RET: variants seen among roughly 807,000 people sequenced by gnomAD.
The protein encoded by RET is proto-oncogene tyrosine-protein kinase receptor Ret.
In RET, 19 loss-of-function variants were observed where a neutral mutation model predicts 118.3. The observed-to-expected ratio is 0.16, with a 90% CI of 0.11 to 0.24. RET has a LOEUF of 0.24. Ranked by LOEUF, RET falls within the 10% of genes least tolerant of loss-of-function variation. The pLI is 1.00. For synonymous variants in RET, 597 were observed against 644.1 expected (o/e 0.93, Z 1.11); for missense variants, 1,219 against 1,502.1 (o/e 0.81, Z 3.12).
At chr10:43,109,301 G>A in intron 6 of RET, 71 bp downstream of exon 6, 1 of 1,471,812 alleles carries the variant, frequency 6.8e-7, no homozygotes, top group Admixed American at 1.8e-5. Flanking sequence ...AGGGAGGCAG[G>A]TGACACTGCC....
intron 15 of RET, among the ~76,000 whole-genome samples, chr10:43,120,562 G>A (rs1284934823): frequency 6.6e-6 from 1 of 152,254 alleles, no homozygotes; most frequent in Admixed American, 6.5e-5. Context: ...TCAAAGAAGG[G>A]TGGGATGAAA....
chr10:43,118,622 G>T, intron 13 of RET, 142 bp downstream of exon 13: 1 of 741,896 alleles, frequency 1.3e-6, no homozygotes, highest in Non-Finnish European at 2.3e-6. Flanking sequence ...CCTGGCTCAG[G>T]CCCCAGCCTG....
rs1588877223 is a variant in RET at position 43,119,616 on chromosome 10, C to T, written c.2478C>T (p.Tyr826=). 1 of 1,612,814 alleles carries T rather than the reference C, an allele frequency of 6.2e-7. No homozygotes were observed. The highest frequency in any genetic ancestry group is 1.7e-5 in the Admixed American group (1 of 60,002). The change falls in exon 14 of 20, where the codon TAC becomes TAT. Residue 826 remains tyrosine (Y), a synonymous_variant. Transcript: ENST00000355710. ...LRESRKVGPG[Y]LGSGGSRNSS... is the part of the protein sequence containing the mutation. The stretch of plus-strand genomic sequence containing the variant: ...AGAGCCGCAAAGTGGGGCCTGGCTA[C>T]CTGGGCAGTGGAGGCAGCCGCAACT...
At chr10:43,115,877 T>C (rs896546238) in intron 11 of RET, among the ~76,000 whole-genome samples, 7 of 152,116 alleles carry the variant, frequency 4.6e-5, no homozygotes, top group African/African-American at 1.7e-4. Context: ...ACCTTGACTG[T>C]GGGTTCCCAG....
chr10:43,112,818 C>T (rs2132812142), intron 8 of RET, 35 bp from the exon 9 acceptor site: 1 of 1,578,482 alleles, frequency 6.3e-7, no homozygotes, highest in Non-Finnish European at 8.7e-7. Context: ...GCGGGGCTCC[C>T]ACATGGGTGA....
chr10:43,114,376 CGG>C lies in RET; in HGVS notation c.1880-103_1880-102del. ...CTCCATGGCCACTTCCCAGCTGGCG[CGG>C]ACACGGCAGGCTGGAGAGCCATGAG... On this transcript the variant is annotated intron_variant, in intron 10 of 19. Coordinates refer to ENST00000355710, the MANE Select transcript of RET (RefSeq NM_020975.6). This position sits in a 1 kb window ranked among gnomAD's most constrained non-coding sequence, Gnocchi z 4.6. The C allele has an allele frequency of 6.6e-7, 1 of 1,504,550 alleles. No individual in the cohort carries two copies. The highest frequency in any genetic ancestry group is 9.0e-7 in the Non-Finnish European group (1 of 1,107,072). 93.2% of individuals were successfully genotyped at this position (1,504,550 alleles called of 1,614,324 possible). A position where few individuals can be genotyped will look rare whatever the true frequency, so the allele number is the denominator to read the frequency against.
At chr10:43,122,123 G>A (rs1487921884) in intron 16 of RET, 107 bp downstream of exon 16, 3 of 876,146 alleles carry the variant, frequency 3.4e-6, no homozygotes, top group Non-Finnish European at 5.9e-6. Context: ...AATTGCACTG[G>A]CCCTGAGCAC....
intron 1 of RET, among the ~76,000 whole-genome samples, chr10:43,083,661 C>T (rs540916948): frequency 2.6e-5 from 4 of 152,352 alleles, no homozygotes; most frequent in African/African-American, 9.6e-5. Flanking sequence ...TACCTGCACA[C>T]ACTTCTGCCT....
At chr10:43,081,017 A>G (rs1248701120) in intron 1 of RET, among the ~76,000 whole-genome samples, 1 of 152,138 alleles carries the variant, frequency 6.6e-6, no homozygotes, top group Non-Finnish European at 1.5e-5. Flanking sequence ...CTCATGCAGG[A>G]CAGGGCCTTC....
intron 1 of RET, among the ~76,000 whole-genome samples, chr10:43,095,153 C>T (rs935857647): frequency 2.6e-5 from 4 of 152,060 alleles, no homozygotes; most frequent in Non-Finnish European, 5.9e-5. Flanking sequence ...TGTGCAGGCT[C>T]AGGTCTGGCA....
intron 18 of RET, among the ~76,000 whole-genome samples, chr10:43,126,190 G>A (rs998453068): frequency 1.3e-5 from 2 of 152,244 alleles, no homozygotes; most frequent in Non-Finnish European, 2.9e-5. Flanking sequence ...AGAGCCCAAG[G>A]GTTTGTCAGC....
At chr10:43,078,994 C>T (rs74865054) in intron 1 of RET, among the ~76,000 whole-genome samples, 4,796 of 152,280 alleles carry the variant, frequency 0.031, 144 homozygotes, top group East Asian at 0.11. Flanking sequence ...GCCACAGCTC[C>T]GGAGGTTCGA....
intron 3 of RET, among the ~76,000 whole-genome samples, chr10:43,103,712 G>GCTA (rs1837693092): frequency 6.6e-6 from 1 of 152,144 alleles, no homozygotes; most frequent in African/African-American, 2.4e-5. Context: ...TGGAGCACTT[G>GCTA]GTTTTTTGCA....
At chr10:43,112,791 G>A (rs986665929) in intron 8 of RET, 62 bp from the exon 9 acceptor site, 2 of 1,313,064 alleles carry the variant, frequency 1.5e-6, no homozygotes, top group Non-Finnish European at 1.1e-6. Context: ...CTGCCTAGGA[G>A]GTGGTGGGGG....
At chr10:43,089,109 G>A (rs1039803486) in intron 1 of RET, among the ~76,000 whole-genome samples, 13 of 152,218 alleles carry the variant, frequency 8.5e-5, no homozygotes, top group African/African-American at 2.9e-4. Context: ...CCTCAGCCTG[G>A]GCTAGGCACT....
At chr10:43,126,798 TTTAAAAA>T in intron 19 of RET, 76 bp downstream of exon 19, 1 of 1,565,406 alleles carries the variant, frequency 6.4e-7, no homozygotes, top group Non-Finnish European at 8.7e-7. Context: ...TGTGATGCTT[TTTAAAAA>T]TGTTTCTGGT....
intron 1 of RET, among the ~76,000 whole-genome samples, chr10:43,090,809 G>A (rs1837395126): frequency 6.6e-6 from 1 of 150,396 alleles, no homozygotes; most frequent in East Asian, 2.0e-4. Context: ...GGCCCCCTGG[G>A]ACCCTGGCAC....
intron 15 of RET, among the ~76,000 whole-genome samples, chr10:43,120,661 G>A (rs1322391895): frequency 6.6e-6 from 1 of 152,216 alleles, no homozygotes; most frequent in Non-Finnish European, 1.5e-5. Flanking sequence ...ACTGGGCTGG[G>A]TGAGTTTAGA....
At chr10:43,123,197 T>G (rs1389838581) in intron 16 of RET, among the ~76,000 whole-genome samples, 1 of 152,228 alleles carries the variant, frequency 6.6e-6, no homozygotes, top group Non-Finnish European at 1.5e-5. Flanking sequence ...AAAATGTTTT[T>G]CTATAGCTTT....
Sources: allele counts gnomAD v4.1 joint callset (sites outside exome capture counted in the v4.1 genomes callset), GRCh38; gene constraint gnomAD v4.1.1; non-coding constraint Gnocchi (gnomAD v3.1); transcripts MANE v1.5; gene names NCBI Gene and HGNC (gene_info 2026-07-23, HGNC 2026-07-21).